The following UGT1A7 variants were observed in gnomAD, a reference collection of about 807,000 sequenced individuals.
UGT1A7 encodes UDP glucuronosyltransferase family 1 member A7.
UGT1A7 carries 33 observed loss-of-function variants against 45.6 expected under a neutral mutation model. The ratio of observed to expected loss-of-function variants is 0.72; its 90% CI spans 0.55 to 0.97. The LOEUF (loss-of-function observed/expected upper bound fraction) is 0.97, where lower values mean the gene tolerates loss of function less well. Among genes scored for constraint, UGT1A7 ranks in the 50% least tolerant of loss-of-function variants. The pLI, the probability that UGT1A7 is intolerant of heterozygous loss-of-function variation, is 0.00. For synonymous variants in UGT1A7, 274 were observed against 250.6 expected (o/e 1.09, Z -0.88); for missense variants, 684 against 666.2 (o/e 1.03, Z -0.29).
chr2:233,684,115 G>T (rs1559340861), intron 1 of UGT1A7, among the ~76,000 whole-genome samples: 1 of 152,004 alleles, frequency 6.6e-6, no homozygotes, highest in East Asian at 1.9e-4. Flanking sequence ...TATTGTTCTG[G>T]CTTCTTACAA....
chr2:233,682,553 A>G lies in UGT1A7; in HGVS notation c.616A>G (p.Arg206Gly), dbSNP rs2074583970. 2 of 1,613,774 alleles carry G rather than the reference A, an allele frequency of 1.2e-6. No individual in the cohort carries two copies. Among genetic ancestry groups the G allele is most frequent in the Non-Finnish European group, 1.7e-6 (2 of 1,179,856 alleles). Reference sequence around the variant, plus strand: ...CTCAGACGCCATGACTTTCAAGGAGAGAGTATGGAACCACATCATGCACTT... The same window carrying G: ...CTCAGACGCCATGACTTTCAAGGAGGGAGTATGGAACCACATCATGCACTT... ...GFSDAMTFKE[R>G]VWNHIMHLEE... Residue 206 changes from arginine to glycine, a missense_variant, in exon 1 of 5, where the codon AGA becomes GGA. By Grantham distance (125) the Arg-to-Gly change is moderately radical. Transcript: ENST00000373426.
At chr2:233,756,273 T>C (rs976483084) in intron 1 of UGT1A7, 1 of 152,230 alleles carries the variant, frequency 6.6e-6, no homozygotes. Context: ...TCAAGCTCCT[T>C]TTATAAAATG....
chr2:233,724,460 G>T (rs551187141), intron 1 of UGT1A7, among the ~76,000 whole-genome samples: 1 of 114,598 alleles, frequency 8.7e-6, no homozygotes, highest in Non-Finnish European at 1.8e-5. Flanking sequence ...GCTGCCGGGC[G>T]GAGGGGCTCC....
At position 233,767,125 on chromosome 2, in the gene UGT1A7, C is replaced by T. The variant is rs775405878; in HGVS notation, c.947C>T (p.Ala316Val). 2.5e-6 allele frequency: 4 copies of T among 1,614,092 alleles called. No individual in the cohort carries two copies. Among genetic ancestry groups the T allele is most frequent in the Non-Finnish European group, 3.4e-6 (4 of 1,180,014 alleles). The part of the protein sequence containing the change: ...SMVSEIPEKK[A>V]MAIADALGKI... ...GTCTCAGAAATTCCAGAGAAGAAAG[C>T]TATGGCAATTGCTGATGCTTTGGGC... Residue 316 changes from alanine to valine, a missense_variant, in exon 2 of 5, where the codon GCT becomes GTT. By Grantham distance (64) the Ala-to-Val change is moderately conservative. Coordinates refer to ENST00000373426, the MANE Select transcript of UGT1A7 (RefSeq NM_019077.3).
In UGT1A7 at chr2:233,755,096, G is replaced by C. The variant is rs62191920; in HGVS notation, c.856-11938G>C. 1.4e-3 allele frequency: 1,898 copies of C among 1,334,450 alleles called. 9 individuals are homozygous for C. The highest frequency in any genetic ancestry group is 1.7e-3 in the Non-Finnish European group (1,703 of 992,024). 82.7% of individuals were successfully genotyped at this position (1,334,450 alleles called of 1,614,324 possible). A position where few individuals can be genotyped will look rare whatever the true frequency, so the allele number is the denominator to read the frequency against. ...GGTCATAGATATCGCGTTTCTACGC[G>C]TCCGACAACACCTCGTAGGCCTCAG... On this transcript the variant is annotated intron_variant, in intron 1 of 4. Transcript: ENST00000373426.
At position 233,682,168 on chromosome 2, in the gene UGT1A7, C is replaced by T. The variant is rs1575428298; in HGVS notation, c.231C>T (p.Tyr77=). The T allele has an allele frequency of 6.2e-7, 1 of 1,614,202 alleles. No homozygotes were observed. The highest frequency in any genetic ancestry group is 8.5e-7 in the Non-Finnish European group (1 of 1,180,030). The change falls in exon 1 of 5, where the codon TAC becomes TAT. Residue 77 remains tyrosine, a synonymous_variant. Coordinates refer to ENST00000373426, the MANE Select transcript of UGT1A7 (RefSeq NM_019077.3). ...CACTGAATTGCACAGTGAAGACTTA[C>T]TCAACCTCATACACTCTGGAGGATC... The part of the protein sequence containing the change: ...GRSLNCTVKT[Y]STSYTLEDQD...
At chr2:233,729,604 G>C in intron 1 of UGT1A7, 2 of 1,613,996 alleles carry the variant, frequency 1.2e-6, no homozygotes, top group Non-Finnish European at 1.7e-6. Context: ...CTGCGCGGCA[G>C]TGCTGGCTAA....
chr2:233,729,728 A>G (rs373493601), intron 1 of UGT1A7: 1 of 1,613,928 alleles, frequency 6.2e-7, no homozygotes, highest in Non-Finnish European at 8.5e-7. Flanking sequence ...CTAACAACCA[A>G]TTCAGACCAC....
At chr2:233,724,699 C>T (rs138869941) in intron 1 of UGT1A7, among the ~76,000 whole-genome samples, 60,257 of 142,328 alleles carry the variant, frequency 0.42, 15,342 homozygotes, top group African/African-American at 0.58. Context: ...GGTGAAGACG[C>T]TCCTCGCTTT....
intron 3 of UGT1A7, 36 bp downstream of exon 3, chr2:233,767,972 G>C (rs1383669551): frequency 1.9e-6 from 3 of 1,613,998 alleles, no homozygotes; most frequent in Non-Finnish European, 2.5e-6. Context: ...GGTCAAACCA[G>C]GGTCAAATTA....
At chr2:233,693,581 C>T in intron 1 of UGT1A7, 1 of 1,614,212 alleles carries the variant, frequency 6.2e-7, no homozygotes, top group Non-Finnish European at 8.5e-7. Flanking sequence ...GTCCTACATT[C>T]CCAGGTGCTA....
chr2:233,697,894 A>G (rs936448403), intron 1 of UGT1A7, among the ~76,000 whole-genome samples: 4 of 152,240 alleles, frequency 2.6e-5, no homozygotes, highest in African/African-American at 9.6e-5. Context: ...TGATTGAATC[A>G]AATCTATTGA....
chr2:233,755,510 G>C (rs1695945720), intron 1 of UGT1A7: 1 of 163,962 alleles, frequency 6.1e-6, no homozygotes, highest in Non-Finnish European at 1.3e-5. Flanking sequence ...ACCAGGCCCC[G>C]CCCACTCCGG....
rs1681915037 is a variant in UGT1A7 at position 233,713,066 on chromosome 2, G to C, written c.855+30274G>C. On this transcript the variant is annotated intron_variant, in intron 1 of 4. Coordinates refer to ENST00000373426, the MANE Select transcript of UGT1A7 (RefSeq NM_019077.3). ...TGCTTCTCCTCAGTGTCCAGCCCTG[G>C]GCTGAGAGTGGGAAGGTGCTGGTGG... The C allele has an allele frequency of 2.5e-6, 4 of 1,614,136 alleles. No homozygotes were observed. In the South Asian group the frequency reaches 4.4e-5, roughly 18 times the overall value.
In UGT1A7 at chr2:233,700,778, T is replaced by C. The variant is rs550912505; in HGVS notation, c.855+17986T>C. On this transcript the variant is annotated intron_variant, in intron 1 of 4. Transcript: ENST00000373426. ...GGGTACATGTGCACAACGTACAGGT[T>C]TGTTACATATGTATACATGTGCCAT... Among the ~76,000 whole-genome samples, 10 of 152,260 alleles carry C rather than the reference T, an allele frequency of 6.6e-5. No homozygotes were observed. In the East Asian group the frequency reaches 9.6e-4, roughly 15 times the overall value.
chr2:233,682,114 G>A lies in UGT1A7; in HGVS notation c.177G>A (p.Met59Ile), dbSNP rs762584312. Residue 59 changes from methionine (M) to isoleucine (I), a missense_variant, in exon 1 of 5, where the codon ATG (methionine) becomes ATA (isoleucine). Coordinates refer to ENST00000373426, the MANE Select transcript of UGT1A7 (RefSeq NM_019077.3). The part of the protein sequence containing the change: ...ILRGHEVVVV[M>I]PEVSWQLGRS... ...GGGGGCATGAGGTGGTCGTAGTCAT[G>A]CCAGAGGTGAGTTGGCAACTGGGAA... 11 of 1,614,238 alleles carry A rather than the reference G, an allele frequency of 6.8e-6. No individual in the cohort carries two copies. The highest frequency in any genetic ancestry group is 9.3e-6 in the Non-Finnish European group (11 of 1,180,032).
At position 233,682,005 on chromosome 2, in the gene UGT1A7, C is replaced by A. The variant is rs2074549524; in HGVS notation, c.68C>A (p.Ala23Asp). The A allele has an allele frequency of 5.0e-6, 8 of 1,613,988 alleles. No homozygotes were observed. Among genetic ancestry groups the A allele is most frequent in the Non-Finnish European group, 6.8e-6 (8 of 1,180,012 alleles). ...TGTCTACTGCTGACCTGTGGCTTTG[C>A]CAAGGCAGGGAAGCTGCTGGTAGTG... The part of the protein sequence containing the change: ...YVCLLLTCGF[A>D]KAGKLLVVPM... The change falls in exon 1 of 5, where the codon GCC becomes GAC. Residue 23 changes from alanine (A) to aspartate (D), a missense_variant. Transcript: ENST00000373426.
Position 233,724,420 on chromosome 2 carries a change from G to C in UGT1A7, c.855+41628G>C, listed in dbSNP as rs1396792043. Among the ~76,000 whole-genome samples the C allele has an allele frequency of 2.2e-5, 3 of 135,560 alleles. 1 individual carries two copies. The highest frequency in any genetic ancestry group is 8.5e-5 in the African/African-American group (3 of 35,170). 88.9% of individuals were successfully genotyped at this position (135,560 alleles called of 152,430 possible). The stretch of plus-strand genomic sequence containing the variant: ...TTCCCAGATGGGGTGGCTGCCGGGC[G>C]GAGAGGCTCCTCACTTCTCAGACAG... On this transcript the variant is annotated intron_variant, in intron 1 of 4. Transcript: ENST00000373426.
intron 1 of UGT1A7, chr2:233,760,983 C>A: frequency 6.2e-7 from 1 of 1,614,178 alleles, no homozygotes; most frequent in Non-Finnish European, 8.5e-7. Context: ...CGTATGCAAC[C>A]CTTGCCTCAG....
Sources: gnomAD v4.1 joint callset for allele counts (sites outside exome capture counted in the v4.1 genomes callset) on GRCh38, gnomAD v4.1.1 for gene constraint, MANE v1.5 for transcripts, NCBI Gene and HGNC (gene_info 2026-07-23, HGNC 2026-07-21) for gene names.